Variants in ZNF91 observed in about 807,000 individuals in gnomAD.
The protein encoded by ZNF91 is zinc finger protein 91.
Under a neutral mutation model 12.6 loss-of-function variants are expected in ZNF91, and 7 were observed. That is an observed-to-expected ratio of 0.55 (90% CI 0.31 to 1.04). The LOEUF is 1.04. ZNF91 is among the 50% of genes least tolerant of loss of function. The pLI is 0.05. For missense variants in ZNF91, 1,217 were observed against 1,385.4 expected (o/e 0.88, Z 1.93); for synonymous variants, 453 against 462.6 (o/e 0.98, Z 0.27).
chr19:23,369,808 A>G lies in ZNF91; in HGVS notation c.253+3934T>C, dbSNP rs557216820. On this transcript the variant is annotated intron_variant, in intron 3 of 3. Transcript: ENST00000300619. ...TGTTAAACAGATGCTTGAAGGCAGC[A>G]TGCTCGTTAAGAGTCATCACCACTC... is the stretch of plus-strand genomic sequence containing the variant. Among the ~76,000 whole-genome samples, 6 of 151,356 alleles carry G rather than the reference A, an allele frequency of 4.0e-5. No homozygotes were observed. In the East Asian group the frequency reaches 5.8e-4, roughly 15 times the overall value.
intron 3 of ZNF91, among the ~76,000 whole-genome samples, chr19:23,306,126 A>G (rs1967395162): frequency 6.6e-6 from 1 of 152,102 alleles, no homozygotes; most frequent in African/African-American, 2.4e-5. Flanking sequence ...AGGTGGAAGA[A>G]TTAATAGGTA....
At chr19:23,344,331 T>C (rs1426834965) in intron 3 of ZNF91, among the ~76,000 whole-genome samples, 1 of 152,100 alleles carries the variant, frequency 6.6e-6, no homozygotes, top group African/African-American at 2.4e-5. Context: ...CCTGACCTCA[T>C]GATCCGCCCG....
At chr19:23,389,986 C>A (rs1037349879) in intron 1 of ZNF91, among the ~76,000 whole-genome samples, 1 of 152,128 alleles carries the variant, frequency 6.6e-6, no homozygotes, top group Non-Finnish European at 1.5e-5. Flanking sequence ...CAGAACTCAG[C>A]GGAACACTGT....
In ZNF91 at chr19:23,359,073, G is replaced by C. The variant is rs1968586117; in HGVS notation, c.*330C>G. 3.6e-6 allele frequency: 2 copies of C among 554,496 alleles called. No homozygotes were observed. Among genetic ancestry groups the C allele is most frequent in the Non-Finnish European group, 6.9e-6 (2 of 288,364 alleles). 34.3% of individuals were successfully genotyped at this position (554,496 alleles called of 1,614,324 possible). ...TATGAATTTTCTTATGTCTGGTTAG[G>C]GCTGAGGACCAGAAAAAGGATTTGC... On this transcript the variant is annotated 3_prime_UTR_variant, in exon 4 of 4. Coordinates refer to ENST00000300619, the MANE Select transcript of ZNF91 (RefSeq NM_003430.4).
chr19:23,390,546 C>T (rs567777255), intron 1 of ZNF91, among the ~76,000 whole-genome samples: 8 of 152,150 alleles, frequency 5.3e-5, no homozygotes, highest in Non-Finnish European at 7.4e-5. Context: ...TTAGTAGAGA[C>T]GGGGTTTCAC....
intron 3 of ZNF91, among the ~76,000 whole-genome samples, chr19:23,368,397 C>G (rs1319728691): frequency 6.6e-6 from 1 of 151,868 alleles, no homozygotes; most frequent in African/African-American, 2.4e-5. Context: ...TGCCTGTAGT[C>G]TCAGCTACTC....
intron 3 of ZNF91, among the ~76,000 whole-genome samples, chr19:23,343,364 A>T (rs1968161056): frequency 6.6e-6 from 1 of 152,252 alleles, no homozygotes; most frequent in Non-Finnish European, 1.5e-5. Flanking sequence ...TTCTAACTTA[A>T]GGAAAATAGT....
At chr19:23,369,207 G>A (rs1270925605) in intron 3 of ZNF91, among the ~76,000 whole-genome samples, 1 of 152,154 alleles carries the variant, frequency 6.6e-6, no homozygotes, top group African/African-American at 2.4e-5. Context: ...CTAGTCAGGA[G>A]GCTGAGGCAG....
At chr19:23,321,718 T>A (rs1264539154) in intron 1 of ZNF91, among the ~76,000 whole-genome samples, 2 of 152,154 alleles carry the variant, frequency 1.3e-5, no homozygotes, top group East Asian at 3.9e-4. Flanking sequence ...AAAGGGGGCA[T>A]CTGTGGGTCC....
chr19:23,332,139 ATCTT>A (rs910257740), intron 1 of ZNF91, among the ~76,000 whole-genome samples: 3 of 152,320 alleles, frequency 2.0e-5, no homozygotes, highest in South Asian at 2.1e-4. Flanking sequence ...CAGAAGTTAA[ATCTT>A]TCTGTTTCTC....
intron 3 of ZNF91, among the ~76,000 whole-genome samples, chr19:23,372,684 G>C (rs1969333458): frequency 6.6e-6 from 1 of 152,178 alleles, no homozygotes; most frequent in African/African-American, 2.4e-5. Context: ...CAGAGGCCTG[G>C]AGGAAGACAC....
intron 1 of ZNF91, among the ~76,000 whole-genome samples, chr19:23,380,097 A>G (rs1406977033): frequency 6.6e-6 from 1 of 151,764 alleles, no homozygotes; most frequent in Non-Finnish European, 1.5e-5. Flanking sequence ...TCCACTAAAA[A>G]TAAAAATAAA....
At chr19:23,323,414 C>CTCT in intron 1 of ZNF91, among the ~76,000 whole-genome samples, 1 of 147,782 alleles carries the variant, frequency 6.8e-6, no homozygotes, top group African/African-American at 2.5e-5. Flanking sequence ...TTCTTTGTTC[C>CTCT]TACTTTCCTC....
At chr19:23,362,835 C>A (rs1191606299) in intron 3 of ZNF91, 110 bp from the exon 4 acceptor site, 14 of 1,259,006 alleles carry the variant, frequency 1.1e-5, no homozygotes, top group African/African-American at 1.5e-5. Context: ...AACAATATGG[C>A]ACTGCAAAAT....
downstream of ZNF91, among the ~76,000 whole-genome samples, chr19:23,334,087 CAT>C (rs1447300953): frequency 6.6e-6 from 1 of 152,136 alleles, no homozygotes; most frequent in Non-Finnish European, 1.5e-5. Context: ...CTCAAATGTA[CAT>C]GTTTTCCATG....
At chr19:23,351,728 G>A (rs1325990049) in intron 3 of ZNF91, among the ~76,000 whole-genome samples, 1 of 152,108 alleles carries the variant, frequency 6.6e-6, no homozygotes, top group Non-Finnish European at 1.5e-5. Context: ...ATCTTCAAAG[G>A]CATTAGGATA....
chr19:23,364,937 T>C (rs1351061646), intron 3 of ZNF91, among the ~76,000 whole-genome samples: 1 of 150,544 alleles, frequency 6.6e-6, no homozygotes, highest in Non-Finnish European at 1.5e-5. Flanking sequence ...TGCACAATTA[T>C]TATACTAAAA....
intron 3 of ZNF91, among the ~76,000 whole-genome samples, chr19:23,352,144 A>G (rs1968381498): frequency 6.6e-6 from 1 of 152,152 alleles, no homozygotes; most frequent in South Asian, 2.1e-4. Context: ...AAGCCTTAAG[A>G]AATTTTCAAG....
chr19:23,328,296 G>A (rs1037953604), intron 1 of ZNF91: 1 of 152,180 alleles, frequency 6.6e-6, no homozygotes, highest in Non-Finnish European at 1.5e-5. Context: ...CTTTGTGTAT[G>A]GGAGAGGAAT....
Sources: allele counts gnomAD v4.1 joint callset (sites outside exome capture counted in the v4.1 genomes callset), GRCh38; gene constraint gnomAD v4.1.1; transcripts MANE v1.5; gene names NCBI Gene and HGNC (gene_info 2026-07-23, HGNC 2026-07-21).